CSMD2: variants seen among roughly 807,000 people sequenced by gnomAD.
CSMD2 encodes CUB and Sushi multiple domains 2.
CSMD2 carries 130 observed loss-of-function variants against 398.5 expected under a neutral mutation model. The ratio of observed to expected loss-of-function variants is 0.33; its 90% confidence interval spans 0.28 to 0.38. The LOEUF is 0.38. CSMD2 is among the 10% of genes least tolerant of loss of function. The pLI is 1.00. For missense variants in CSMD2, 3,829 were observed against 4,764.9 expected, an observed-to-expected ratio of 0.80 and a Z score of 5.78; for synonymous variants, 1,828 against 1,908.5, an observed-to-expected ratio of 0.96 and a Z score of 1.10.
intron 44 of CSMD2, among the ~76,000 whole-genome samples, chr1:33,590,600 C>CAT (rs1266373178): frequency 7.9e-4 from 73 of 92,788 alleles, no homozygotes; most frequent in Non-Finnish European, 1.8e-3. Flanking sequence ...TCCCATCACA[C>CAT]ACACACACAC....
At chr1:34,005,606 G>A (rs768916226) in intron 3 of CSMD2, among the ~76,000 whole-genome samples, 2 of 152,176 alleles carry the variant, frequency 1.3e-5, no homozygotes, top group Non-Finnish European at 2.9e-5. Flanking sequence ...CATCAAGCTT[G>A]AACCTTCCTT....
At chr1:33,992,507 C>A (rs550478617) in intron 3 of CSMD2, among the ~76,000 whole-genome samples, 1 of 151,820 alleles carries the variant, frequency 6.6e-6, no homozygotes, top group Admixed American at 6.5e-5. Context: ...TGAGTCACTG[C>A]ACCCAGCCCT....
rs1166222920 is a variant in CSMD2 at position 33,533,376 on chromosome 1, A to G, written c.9992-147T>C. ...CAAGCATCCCCCTCCCTAATCCTCC[A>G]CCCTAACCCAAGCTCTGTGTCTAGA... On this transcript the variant is annotated intron_variant, in intron 63 of 70. Transcript: ENST00000373381. This position sits in a 1 kb window ranked among gnomAD's most constrained non-coding sequence, Gnocchi z 4.2. 1 of 730,404 alleles carries G rather than the reference A, an allele frequency of 1.4e-6. No individual in the cohort carries two copies. The allele number at this position is 730,404 out of a possible 1,614,324, so 45.2% of individuals were successfully genotyped here.
chr1:33,872,251 T>C (rs1640527840), intron 5 of CSMD2, among the ~76,000 whole-genome samples: 1 of 152,098 alleles, frequency 6.6e-6, no homozygotes, highest in Non-Finnish European at 1.5e-5. Flanking sequence ...TTCTTACTGC[T>C]TATGTGAGAA....
intron 6 of CSMD2, among the ~76,000 whole-genome samples, chr1:33,827,961 C>T (rs1245071014): frequency 1.3e-5 from 2 of 152,182 alleles, no homozygotes; most frequent in Non-Finnish European, 2.9e-5. Flanking sequence ...GGTAACAGGC[C>T]AATCCCCAAA....
At chr1:34,098,851 T>C (rs1013898497) in intron 1 of CSMD2, among the ~76,000 whole-genome samples, 6 of 152,184 alleles carry the variant, frequency 3.9e-5, no homozygotes, top group African/African-American at 1.2e-4. Context: ...CTGACCGTGA[T>C]TTTTTAGCAT....
At chr1:33,586,638 T>C (rs1639097907) in intron 45 of CSMD2, 21 bp from the exon 46 acceptor site, 2 of 1,491,898 alleles carry the variant, frequency 1.3e-6, no homozygotes, top group South Asian at 1.1e-5. Context: ...AAGACCAACA[T>C]GTAGACCCTC....
chr1:33,667,961 T>G (rs1489665726), intron 25 of CSMD2, among the ~76,000 whole-genome samples: 2 of 152,060 alleles, frequency 1.3e-5, no homozygotes, highest in Non-Finnish European at 2.9e-5. Context: ...ACAAACTCAC[T>G]AAAAAATTAT....
chr1:34,063,413 T>C (rs897489018), intron 2 of CSMD2, among the ~76,000 whole-genome samples: 1 of 152,176 alleles, frequency 6.6e-6, no homozygotes, highest in Non-Finnish European at 1.5e-5. Flanking sequence ...GGTACAGGTA[T>C]TGGGTAAATA....
intron 1 of CSMD2, among the ~76,000 whole-genome samples, chr1:34,127,843 G>A (rs1662902515): frequency 6.6e-6 from 1 of 152,014 alleles, no homozygotes; most frequent in African/African-American, 2.4e-5. Context: ...TGGTTCAAGG[G>A]ATGCACAGTG....
intron 3 of CSMD2, among the ~76,000 whole-genome samples, chr1:34,012,410 T>C (rs148712248): frequency 6.6e-6 from 1 of 152,316 alleles, no homozygotes; most frequent in Non-Finnish European, 1.5e-5. Flanking sequence ...CACATCAACA[T>C]GTACATACTA....
At chr1:33,998,597 G>A (rs506264) in intron 3 of CSMD2, among the ~76,000 whole-genome samples, 3,837 of 152,284 alleles carry the variant, frequency 0.025, 159 homozygotes, top group African/African-American at 0.086. Flanking sequence ...CTCCTAGCCT[G>A]GCAGCCCTCA....
intron 44 of CSMD2, among the ~76,000 whole-genome samples, chr1:33,590,981 C>CTTTT (rs11374822): frequency 1.8e-3 from 119 of 67,182 alleles, no homozygotes; most frequent in African/African-American, 2.5e-3. Flanking sequence ...TTTTATTTAT[C>CTTTT]TTTTTTTTTT....
At position 33,882,880 on chromosome 1, in the gene CSMD2, G is replaced by GCAGT. The variant is rs1260636135; in HGVS notation, c.920+35210_920+35213dup. Reference sequence around the variant, plus strand: ...TTTTCTTCCCTTCGTGGCTACGGATGCAGTCTAGAGCCAACAGGAGCACCA... The same window carrying GCAGT: ...TTTTCTTCCCTTCGTGGCTACGGATGCAGTCAGTCTAGAGCCAACAGGAGCACCA... On this transcript the variant is annotated intron_variant, in intron 5 of 70. Transcript: ENST00000373381. 4.6e-5 allele frequency among the ~76,000 whole-genome samples: 7 copies of GCAGT among 151,892 alleles called. No individual in the cohort carries two copies. The East Asian group carries it at 1.4e-3, about 29-fold the overall frequency.
intron 25 of CSMD2, among the ~76,000 whole-genome samples, chr1:33,681,070 G>A (rs1372479996): frequency 6.6e-6 from 1 of 151,694 alleles, no homozygotes; most frequent in African/African-American, 2.4e-5. Context: ...GACTACAGGT[G>A]CATGCCACCA....
intron 15 of CSMD2, among the ~76,000 whole-genome samples, chr1:33,727,479 T>C (rs1215525069): frequency 6.6e-6 from 1 of 152,214 alleles, no homozygotes; most frequent in African/African-American, 2.4e-5. Flanking sequence ...GCTATTCCTC[T>C]TTCAAGGGCA....
chr1:33,562,065 CA>C (rs1557539590), intron 53 of CSMD2, among the ~76,000 whole-genome samples: 1 of 152,046 alleles, frequency 6.6e-6, no homozygotes, highest in Non-Finnish European at 1.5e-5. Flanking sequence ...AGTAGTAAAG[CA>C]AAAAGCTCTA....
chr1:33,614,368 C>T (rs1187669385), intron 40 of CSMD2, 136 bp downstream of exon 40: 6 of 657,442 alleles, frequency 9.1e-6, no homozygotes, highest in Non-Finnish European at 1.7e-5. Flanking sequence ...AAGAGGTCAA[C>T]AGATGAGAAA....
intron 1 of CSMD2, among the ~76,000 whole-genome samples, chr1:34,158,574 C>G (rs549092918): frequency 3.9e-5 from 6 of 152,318 alleles, no homozygotes; most frequent in Admixed American, 3.9e-4. Context: ...AAGACTCCCC[C>G]CACTGGGTAT....
Sources: allele counts gnomAD v4.1 joint callset (sites outside exome capture counted in the v4.1 genomes callset), GRCh38; gene constraint gnomAD v4.1.1; non-coding constraint Gnocchi (gnomAD v3.1); transcripts MANE v1.5; gene names NCBI Gene and HGNC (gene_info 2026-07-23, HGNC 2026-07-21).